Variants in GP6 observed in about 807,000 individuals in gnomAD.
The protein encoded by GP6 is glycoprotein VI platelet.
In GP6, 45 loss-of-function variants were observed where a neutral mutation model predicts 37.3. The observed-to-expected ratio is 1.21, with a 90% CI of 0.95 to 1.55. The LOEUF (loss-of-function observed/expected upper bound fraction) is 1.55. GP6 is among the 40% of genes most tolerant of loss of function. The pLI is 0.00. For missense variants in GP6, 813 were observed against 760.2 expected (o/e 1.07, Z -0.82); for synonymous variants, 340 against 316.4 (o/e 1.07, Z -0.79).
intron 1 of GP6, 66 bp from the exon 2 acceptor site, chr19:55,032,604 G>C: frequency 6.5e-7 from 1 of 1,530,254 alleles, no homozygotes. Flanking sequence ...CCTGCTGGGC[G>C]CGGTGATAAG....
intron 5 of GP6, among the ~76,000 whole-genome samples, chr19:55,024,304 A>ACACACGCGCACGCACACG (rs1568612810): frequency 1.3e-5 from 1 of 75,738 alleles, no homozygotes; most frequent in African/African-American, 5.1e-5. Context: ...ACGCATGCAC[A>ACACACGCGCACGCACACG]CACATATGCA....
chr19:55,013,747 G>A lies in GP6; in HGVS notation c.*335C>T, dbSNP rs41275820. On this transcript the variant is annotated 3_prime_UTR_variant, in exon 8 of 8. Transcript: ENST00000310373. ...TCTTCTTTATTTTAAGTAGAGATGG[G>A]GTCTCACTATGTTGCCCAGGCTGGT... 0.023 allele frequency: 4,759 copies of A among 209,866 alleles called. 81 individuals are homozygous for A. The highest frequency in any genetic ancestry group is 0.031 in the Non-Finnish European group (3,188 of 102,166). The allele number at this position is 209,866 out of a possible 1,614,324, so 13.0% of individuals were successfully genotyped here.
intron 3 of GP6, 59 bp from the exon 4 acceptor site, chr19:55,027,921 G>A: frequency 6.4e-7 from 1 of 1,557,920 alleles, no homozygotes; most frequent in South Asian, 1.1e-5. Context: ...GCTGAGACTG[G>A]GGAGGTCCCC....
At chr19:55,037,623 CTTTTTTTTTTTTTT>C (rs1179101360) in intron 1 of GP6, among the ~76,000 whole-genome samples, 1 of 50,410 alleles carries the variant, frequency 2.0e-5, no homozygotes, top group East Asian at 9.9e-4. Context: ...GGCACTCAGC[CTTTTTTTTTTTTTT>C]TTTTTTTTTT....
chr19:55,036,699 C>G (rs1191702729), intron 1 of GP6, among the ~76,000 whole-genome samples: 1 of 151,660 alleles, frequency 6.6e-6, no homozygotes, highest in Non-Finnish European at 1.5e-5. Context: ...GGCCCTATCT[C>G]AAATAAAATT....
chr19:55,031,887 C>T (rs1422645430), intron 3 of GP6, among the ~76,000 whole-genome samples: 1 of 152,192 alleles, frequency 6.6e-6, no homozygotes, highest in South Asian at 2.1e-4. Flanking sequence ...GCGGGAGAAT[C>T]GCTTGAGCCC....
At chr19:55,033,227 GT>G (rs1309114051) in intron 1 of GP6, among the ~76,000 whole-genome samples, 1 of 68,480 alleles carries the variant, frequency 1.5e-5, no homozygotes, top group African/African-American at 6.8e-5. Flanking sequence ...CGGTGGACTC[GT>G]TCGTGTTAGA....
intron 1 of GP6, among the ~76,000 whole-genome samples, chr19:55,033,454 G>A (rs1433456738): frequency 9.9e-5 from 15 of 150,928 alleles, no homozygotes; most frequent in South Asian, 2.1e-4. Context: ...TGTTAGACGC[G>A]GTGGGCTCGT....
Position 55,014,376 on chromosome 19 carries a change from A to C in GP6, c.1569T>G (p.Ser523Arg). The change falls in exon 8 of 8, where the codon AGT becomes AGG. Residue 523 changes from serine (S) to arginine (R), a missense_variant. By Grantham distance (110) the Ser-to-Arg change is moderately radical. Coordinates refer to ENST00000310373, the MANE Select transcript of GP6 (RefSeq NM_001083899.2). ...GAAGCGGGCAACGTGCTAGTTTTAC[A>C]CTAAGGAAAATGAATGACATACCCA... The C allele has an allele frequency of 6.2e-7, 1 of 1,613,734 alleles. No homozygotes were observed. Among genetic ancestry groups the C allele is most frequent in the Non-Finnish European group, 8.5e-7 (1 of 1,179,670 alleles).
intron 1 of GP6, 91 bp from the exon 2 acceptor site, chr19:55,032,629 A>G: frequency 3.2e-6 from 4 of 1,251,906 alleles, no homozygotes; most frequent in East Asian, 2.4e-5. Flanking sequence ...TTGCATGCAT[A>G]TGCTTTACTC....
intron 1 of GP6, among the ~76,000 whole-genome samples, chr19:55,034,856 ACT>A (rs1415545442): frequency 6.6e-6 from 1 of 151,970 alleles, no homozygotes; most frequent in Non-Finnish European, 1.5e-5. Context: ...TCATGTCTTG[ACT>A]CTGAGCTCAG....
Position 55,014,782 on chromosome 19 carries a change from CAGG to C in GP6, c.1160_1162del (p.Ser387del), listed in dbSNP as rs771635825. On this transcript the variant is annotated inframe_deletion, in exon 8 of 8. Transcript: ENST00000310373. Reference sequence around the variant, plus strand: ...GCCGAACGGCTCCCTGATGGAACACCAGGAGGAGGCAGCATGGCCTCGTTTCCA... The same window carrying C: ...GCCGAACGGCTCCCTGATGGAACACCAGGAGGCAGCATGGCCTCGTTTCCA... The C allele has an allele frequency of 3.1e-6, 5 of 1,613,756 alleles. No individual in the cohort carries two copies. The Admixed American group carries it at 5.0e-5, about 16-fold the overall frequency.
intron 5 of GP6, among the ~76,000 whole-genome samples, chr19:55,023,456 C>A (rs2074154181): frequency 6.6e-6 from 1 of 152,136 alleles, no homozygotes. Flanking sequence ...GCTTTCCTTG[C>A]AATAGTAAGT....
intron 1 of GP6, among the ~76,000 whole-genome samples, chr19:55,034,152 G>A (rs548060933): frequency 3.9e-4 from 30 of 76,890 alleles, no homozygotes; most frequent in Middle Eastern, 8.1e-3. Flanking sequence ...ATGTATGCAT[G>A]TGTGTGTGTG....
chr19:55,031,874 G>A (rs1398750053), intron 3 of GP6, among the ~76,000 whole-genome samples: 1 of 152,150 alleles, frequency 6.6e-6, no homozygotes, highest in Non-Finnish European at 1.5e-5. Flanking sequence ...TTGGAGGGCT[G>A]AGGCGGGAGA....
At chr19:55,025,545 A>T (rs1382937377) in intron 4 of GP6, among the ~76,000 whole-genome samples, 1 of 152,018 alleles carries the variant, frequency 6.6e-6, no homozygotes, top group Non-Finnish European at 1.5e-5. Flanking sequence ...GTCTCCACTA[A>T]AAATACAAAA....
rs144352564 is a variant in GP6, at chr19:55,016,595, T to C, written c.725-862A>G. ...TTCACCATATTGGCCAGGTTGGTTT[T>C]GAACTCCTGACCTTGTGATCCGCCC... On this transcript the variant is annotated intron_variant, in intron 6 of 7. Coordinates refer to ENST00000310373, the MANE Select transcript of GP6 (RefSeq NM_001083899.2). Among the ~76,000 whole-genome samples the C allele has an allele frequency of 7.5e-3, 1,138 of 151,930 alleles. 12 individuals carry two copies. Among genetic ancestry groups the C allele is most frequent in the African/African-American group, 0.026 (1,097 of 41,488 alleles).
chr19:55,017,471 C>T (rs772277864), intron 6 of GP6, among the ~76,000 whole-genome samples: 2 of 152,052 alleles, frequency 1.3e-5, no homozygotes, highest in Non-Finnish European at 2.9e-5. Flanking sequence ...AGGAAACCAT[C>T]GATCCAGCCT....
chr19:55,015,274 G>T lies in GP6; in HGVS notation c.780-109C>A. 4.6e-6 allele frequency: 7 copies of T among 1,521,376 alleles called. No individual in the cohort carries two copies. In the Admixed American group the frequency reaches 5.9e-5, roughly 13 times the overall value. The allele number at this position is 1,521,376 out of a possible 1,614,324, so 94.2% of individuals were successfully genotyped here. A position where few individuals can be genotyped will look rare whatever the true frequency, so the allele number is the denominator to read the frequency against. On this transcript the variant is annotated intron_variant, in intron 7 of 7. Coordinates refer to ENST00000310373, the MANE Select transcript of GP6 (RefSeq NM_001083899.2). The stretch of plus-strand genomic sequence containing the variant: ...TCCTATTATTCTCTACTAGCTAGGG[G>T]ATGCCGCTCACTTTCCTGGAGGGTC...
Sources: allele counts gnomAD v4.1 joint callset (sites outside exome capture counted in the v4.1 genomes callset), GRCh38; gene constraint gnomAD v4.1.1; transcripts MANE v1.5; gene names NCBI Gene and HGNC (gene_info 2026-07-23, HGNC 2026-07-21).